The following SNX29 variants were observed in gnomAD, a reference collection of about 807,000 sequenced individuals.
SNX29 encodes sorting nexin-29.
A neutral mutation model predicts 102.1 loss-of-function variants in SNX29; 78 were observed. The observed-to-expected ratio is 0.76, with a 90% CI of 0.64 to 0.92. The LOEUF (loss-of-function observed/expected upper bound fraction) is 0.92. Among genes scored for constraint, SNX29 ranks in the 40% least tolerant of loss-of-function variants. SNX29 has a pLI of 0.00. For synonymous variants in SNX29, 580 were observed against 414.5 expected (o/e 1.40, Z -4.85); for missense variants, 1,280 against 1,061.7 (o/e 1.21, Z -2.86).
At chr16:12,522,245 T>A (rs2090128866) in intron 19 of SNX29, among the ~76,000 whole-genome samples, 1 of 152,246 alleles carries the variant, frequency 6.6e-6, no homozygotes, top group East Asian at 1.9e-4. Context: ...TACTTTTTGC[T>A]GAAAAATTGT....
chr16:12,074,984 C>T (rs968161919), intron 10 of SNX29, among the ~76,000 whole-genome samples: 4 of 152,232 alleles, frequency 2.6e-5, no homozygotes, highest in African/African-American at 9.6e-5. Flanking sequence ...GCATTCTTCA[C>T]CTAGTTGTCG....
chr16:12,224,626 A>G (rs567891649), intron 14 of SNX29, among the ~76,000 whole-genome samples: 2 of 152,342 alleles, frequency 1.3e-5, no homozygotes, highest in South Asian at 4.1e-4. Flanking sequence ...TGAGATGGCC[A>G]AAGCTCACTG....
chr16:12,465,429 A>G (rs186185305), intron 18 of SNX29, among the ~76,000 whole-genome samples: 8 of 152,218 alleles, frequency 5.3e-5, no homozygotes, highest in African/African-American at 1.9e-4. Flanking sequence ...TTTTGAAGGT[A>G]GATATTCCGT....
At chr16:12,114,167 G>T (rs1353555551) in intron 11 of SNX29, among the ~76,000 whole-genome samples, 1 of 152,178 alleles carries the variant, frequency 6.6e-6, no homozygotes, top group Non-Finnish European at 1.5e-5. Context: ...TGACTCATTT[G>T]GTTACAAGGG....
chr16:12,463,814 G>T (rs1316174861), intron 18 of SNX29, among the ~76,000 whole-genome samples: 1 of 138,862 alleles, frequency 7.2e-6, no homozygotes, highest in Non-Finnish European at 1.5e-5. Flanking sequence ...ACCTCCCGAA[G>T]TGAGTGTGTG....
chr16:12,003,750 T>C (rs1338094332), intron 3 of SNX29, among the ~76,000 whole-genome samples: 1 of 152,218 alleles, frequency 6.6e-6, no homozygotes, highest in Non-Finnish European at 1.5e-5. Flanking sequence ...CTCATGCCAA[T>C]AATCCCAGCA....
intron 18 of SNX29, among the ~76,000 whole-genome samples, chr16:12,444,536 C>T (rs1048014427): frequency 1.3e-5 from 2 of 152,220 alleles, no homozygotes; most frequent in East Asian, 3.8e-4. Flanking sequence ...TTCTTCTTTG[C>T]CTGAGCTGGA....
intron 18 of SNX29, among the ~76,000 whole-genome samples, chr16:12,432,338 C>A (rs1175850297): frequency 6.6e-6 from 1 of 152,168 alleles, no homozygotes; most frequent in Non-Finnish European, 1.5e-5. Context: ...GTGGAGGAAA[C>A]AGATGCATTT....
intron 18 of SNX29, among the ~76,000 whole-genome samples, chr16:12,474,506 G>A (rs1289229036): frequency 1.7e-4 from 26 of 152,182 alleles, no homozygotes; most frequent in Non-Finnish European, 1.5e-5. Flanking sequence ...CCATGTGGAA[G>A]GTGGAGAGAG....
At chr16:11,992,700 T>C (rs553788530) in intron 1 of SNX29, among the ~76,000 whole-genome samples, 38 of 152,304 alleles carry the variant, frequency 2.5e-4, no homozygotes, top group Non-Finnish European at 2.9e-5. Context: ...CTTGACTGTG[T>C]GCCCTTGGGC....
intron 11 of SNX29, chr16:12,086,613 C>A (rs2052205747): frequency 6.6e-6 from 1 of 152,210 alleles, no homozygotes; most frequent in Non-Finnish European, 1.5e-5. Context: ...GGGAGTCTTG[C>A]TATGTTGCCT....
intron 18 of SNX29, among the ~76,000 whole-genome samples, chr16:12,459,067 C>A (rs966752795): frequency 8.8e-6 from 1 of 113,336 alleles, no homozygotes; most frequent in African/African-American, 3.3e-5. Flanking sequence ...TCCCCCACCT[C>A]CTCCTCCCCG....
rs114448181 is a variant in SNX29, at chr16:12,320,051, C to T, written c.1783-36112C>T. ...GGTCTCCCTGCTCCTGGGGAGCTGCCACCTCTCTGCAGTCACCTTCCAGTG... is the reference window on the plus strand; with the variant it reads ...GGTCTCCCTGCTCCTGGGGAGCTGCTACCTCTCTGCAGTCACCTTCCAGTG... On this transcript the variant is annotated intron_variant, in intron 15 of 20. Transcript: ENST00000566228. 6.4e-3 allele frequency among the ~76,000 whole-genome samples: 970 copies of T among 152,244 alleles called. 8 individuals are homozygous for T. Among genetic ancestry groups the T allele is most frequent in the African/African-American group, 0.021 (893 of 41,556 alleles).
intron 14 of SNX29, among the ~76,000 whole-genome samples, chr16:12,245,412 ACATGTCAAAGATGACATGTTTGAATT>A (rs1222318111): frequency 6.6e-6 from 1 of 151,702 alleles, no homozygotes; most frequent in African/African-American, 2.4e-5. Context: ...TTTTTGACAA[ACATGTCAAAGATGACATGTTTGAATT>A]CATGTCATCT....
intron 3 of SNX29, among the ~76,000 whole-genome samples, chr16:12,021,761 C>T (rs542190779): frequency 6.6e-6 from 1 of 151,918 alleles, no homozygotes; most frequent in South Asian, 2.1e-4. Context: ...ACGTGGTGGC[C>T]CGTGGCTGTA....
At chr16:12,279,441 G>A (rs1184678343) in intron 15 of SNX29, among the ~76,000 whole-genome samples, 1 of 152,238 alleles carries the variant, frequency 6.6e-6, no homozygotes, top group African/African-American at 2.4e-5. Flanking sequence ...AGGTTGGTGG[G>A]GATGAGTCAA....
At chr16:12,564,142 A>G (rs2078888137) in intron 20 of SNX29, among the ~76,000 whole-genome samples, 1 of 152,064 alleles carries the variant, frequency 6.6e-6, no homozygotes, top group South Asian at 2.1e-4. Context: ...TAATCCCAGC[A>G]CTTGGGAGGC....
At chr16:12,128,535 C>A (rs2141403074) in intron 12 of SNX29, among the ~76,000 whole-genome samples, 1 of 149,360 alleles carries the variant, frequency 6.7e-6, no homozygotes, top group Non-Finnish European at 1.5e-5. Context: ...TCACTGCAAC[C>A]TCTGCCTCCC....
intron 15 of SNX29, among the ~76,000 whole-genome samples, chr16:12,307,628 A>C (rs1596842689): frequency 6.6e-6 from 1 of 152,358 alleles, no homozygotes; most frequent in Non-Finnish European, 1.5e-5. Context: ...TCAGCAGTAG[A>C]ATGTAGAGGC....
Sources: gnomAD v4.1 joint callset for allele counts (sites outside exome capture counted in the v4.1 genomes callset) on GRCh38, gnomAD v4.1.1 for gene constraint, MANE v1.5 for transcripts, NCBI Gene and HGNC (gene_info 2026-07-23, HGNC 2026-07-21) for gene names.